SGCZ: variants seen among roughly 807,000 people sequenced by gnomAD.
SGCZ encodes zeta-sarcoglycan.
In SGCZ, 40 loss-of-function variants were observed where a neutral mutation model predicts 41.3. The observed-to-expected ratio is 0.97, with a 90% CI of 0.75 to 1.26. SGCZ has a LOEUF of 1.26. Among genes scored for constraint, SGCZ ranks in the 50% most tolerant of loss-of-function variants. The probability of loss-of-function intolerance (pLI) is 0.00; values close to 1 mark genes in which losing one functional copy is unlikely to be tolerated. For synonymous variants in SGCZ, 206 were observed against 137.5 expected (o/e 1.50, Z -3.49); for missense variants, 552 against 369.8 (o/e 1.49, Z -4.04).
intron 1 of SGCZ, among the ~76,000 whole-genome samples, chr8:14,988,762 A>G (rs1801910998): frequency 6.6e-6 from 1 of 152,174 alleles, no homozygotes; most frequent in Non-Finnish European, 1.5e-5. Context: ...TAACGAAGGA[A>G]GCTATAACTA....
intron 1 of SGCZ, among the ~76,000 whole-genome samples, chr8:14,581,151 A>G (rs1804874979): frequency 6.6e-6 from 1 of 152,132 alleles, no homozygotes; most frequent in Admixed American, 6.6e-5. Flanking sequence ...TCTGTCACCC[A>G]GGCTGCAGTG....
At position 14,457,847 on chromosome 8, in the gene SGCZ, C is replaced by T. The variant is rs902687431; in HGVS notation, c.234+96885G>A. ...CTGCCTTGTATCCAATAAATAACAG[C>T]GCAGCCAGACATTCGGGGCCACTAC... On this transcript the variant is annotated intron_variant, in intron 2 of 7. Coordinates refer to ENST00000382080, the MANE Select transcript of SGCZ (RefSeq NM_139167.4). Among the ~76,000 whole-genome samples, 71 of 152,194 alleles carry T rather than the reference C, an allele frequency of 4.7e-4. 1 individual carries two copies. The East Asian group carries it at 5.8e-3, about 13-fold the overall frequency.
rs189368413 is a variant in SGCZ at position 14,093,388 on chromosome 8, A to G, written c.745-2751T>C. Among the ~76,000 whole-genome samples, 51 of 152,166 alleles carry G rather than the reference A, an allele frequency of 3.4e-4. No homozygotes were observed. In the East Asian group the frequency reaches 8.0e-3, roughly 24 times the overall value. On this transcript the variant is annotated intron_variant, in intron 7 of 7. Transcript: ENST00000382080. ...CTCTGATGTCATCCCCCACACTTCA[A>G]TTGGATCCTGATGTCTTTCCATGGC...
At chr8:14,262,323 C>T (rs960052428) in intron 3 of SGCZ, among the ~76,000 whole-genome samples, 4 of 152,056 alleles carry the variant, frequency 2.6e-5, no homozygotes, top group East Asian at 1.9e-4. Flanking sequence ...AGTTGCCTTA[C>T]GTTGTTTAAA....
At chr8:14,382,900 G>A (rs915841179) in intron 2 of SGCZ, among the ~76,000 whole-genome samples, 1 of 152,074 alleles carries the variant, frequency 6.6e-6, no homozygotes, top group African/African-American at 2.4e-5. Context: ...TAAAGCTTTG[G>A]TACTAGGTAT....
intron 1 of SGCZ, among the ~76,000 whole-genome samples, chr8:14,627,408 T>C (rs564720491): frequency 5.3e-5 from 8 of 152,294 alleles, no homozygotes; most frequent in Non-Finnish European, 1.0e-4. Context: ...TAATTTTCAA[T>C]GCTGGATCAT....
At chr8:14,636,456 T>G (rs970765315) in intron 1 of SGCZ, among the ~76,000 whole-genome samples, 31 of 151,932 alleles carry the variant, frequency 2.0e-4, no homozygotes, top group African/African-American at 7.5e-4. Flanking sequence ...AATGTGACGA[T>G]GAAGAGAAAT....
intron 1 of SGCZ, among the ~76,000 whole-genome samples, chr8:14,939,748 C>G (rs1048315560): frequency 5.3e-5 from 8 of 152,050 alleles, no homozygotes; most frequent in African/African-American, 1.9e-4. Flanking sequence ...CAGGTAAGAC[C>G]GGCGCAAACA....
intron 2 of SGCZ, among the ~76,000 whole-genome samples, chr8:14,335,640 T>C (rs1802481929): frequency 6.6e-6 from 1 of 152,140 alleles, no homozygotes; most frequent in Admixed American, 6.6e-5. Flanking sequence ...TTATTGTCTC[T>C]CTCCAATCCT....
intron 2 of SGCZ, among the ~76,000 whole-genome samples, chr8:14,389,082 A>G (rs1804671065): frequency 6.6e-6 from 1 of 152,022 alleles, no homozygotes; most frequent in Non-Finnish European, 1.5e-5. Flanking sequence ...TATGAAAAAT[A>G]GATTCATTCA....
chr8:14,538,035 C>T (rs532788868), intron 2 of SGCZ, among the ~76,000 whole-genome samples: 196 of 151,962 alleles, frequency 1.3e-3, no homozygotes, highest in African/African-American at 4.4e-3. Context: ...ATACCACTAA[C>T]GTTAATTAGG....
At chr8:14,410,596 C>A (rs1358770587) in intron 2 of SGCZ, among the ~76,000 whole-genome samples, 3 of 151,246 alleles carry the variant, frequency 2.0e-5, no homozygotes, top group Non-Finnish European at 4.4e-5. Flanking sequence ...ACATCACATA[C>A]TGGGGCCTGT....
chr8:14,494,588 T>C (rs1801936830), intron 2 of SGCZ, among the ~76,000 whole-genome samples: 1 of 152,080 alleles, frequency 6.6e-6, no homozygotes, highest in South Asian at 2.1e-4. Context: ...TAATCATTCA[T>C]GAGAAGTTGT....
Position 15,220,267 on chromosome 8 carries a change from G to A in SGCZ, c.39+17318C>T, listed in dbSNP as rs149685867. Among the ~76,000 whole-genome samples, 398 of 152,274 alleles carry A rather than the reference G, an allele frequency of 2.6e-3. 3 individuals carry two copies. The highest frequency in any genetic ancestry group is 8.9e-3 in the African/African-American group (370 of 41,556). ...TGTAGCTCTCTTTGGACAAACTGAC[G>A]TTTATATACATCAGTTCCTTACTCC... On this transcript the variant is annotated intron_variant, in intron 1 of 7. Coordinates refer to ENST00000382080, the MANE Select transcript of SGCZ (RefSeq NM_139167.4).
intron 1 of SGCZ, among the ~76,000 whole-genome samples, chr8:14,745,139 C>G (rs1011401366): frequency 3.9e-5 from 6 of 152,126 alleles, no homozygotes; most frequent in African/African-American, 1.2e-4. Context: ...GTGTCTCTAC[C>G]TGCACTTTTA....
intron 3 of SGCZ, among the ~76,000 whole-genome samples, chr8:14,251,417 C>A (rs911613412): frequency 6.6e-6 from 1 of 152,132 alleles, no homozygotes; most frequent in African/African-American, 2.4e-5. Flanking sequence ...GTGGGCTATG[C>A]AGTCTCTGTC....
At chr8:14,776,496 T>G (rs972965506) in intron 1 of SGCZ, among the ~76,000 whole-genome samples, 1 of 151,158 alleles carries the variant, frequency 6.6e-6, no homozygotes, top group Non-Finnish European at 1.5e-5. Context: ...GAAATCAGAC[T>G]AATACACTTT....
chr8:14,796,619 C>A (rs901977268), intron 1 of SGCZ, among the ~76,000 whole-genome samples: 1 of 152,130 alleles, frequency 6.6e-6, no homozygotes, highest in African/African-American at 2.4e-5. Flanking sequence ...GTACCTTAAA[C>A]CACTCAGCCC....
At chr8:14,193,638 C>T (rs555841793) in intron 4 of SGCZ, among the ~76,000 whole-genome samples, 63 of 152,080 alleles carry the variant, frequency 4.1e-4, no homozygotes, top group African/African-American at 1.4e-3. Flanking sequence ...GAAAACTTTC[C>T]ACTGTTCTTT....
Sources: gnomAD v4.1 joint callset for allele counts (sites outside exome capture counted in the v4.1 genomes callset) on GRCh38, gnomAD v4.1.1 for gene constraint, MANE v1.5 for transcripts, NCBI Gene and HGNC (gene_info 2026-07-23, HGNC 2026-07-21) for gene names.